The following ADAMTSL1 variants were observed in gnomAD, a reference collection of about 807,000 sequenced individuals.
ADAMTSL1 encodes ADAMTS-like protein 1.
Under a neutral mutation model 201.8 loss-of-function variants are expected in ADAMTSL1, and 126 were observed. The observed-to-expected ratio is 0.62, with a 90% CI of 0.54 to 0.72. The LOEUF (loss-of-function observed/expected upper bound fraction) is 0.72, where lower values mean the gene tolerates loss of function less well. Among genes scored for constraint, ADAMTSL1 ranks in the 30% least tolerant of loss-of-function variants. ADAMTSL1 has a pLI of 0.00. For synonymous variants in ADAMTSL1, 1,121 were observed against 903.4 expected (o/e 1.24, Z -4.32); for missense variants, 2,679 against 2,277.8 (o/e 1.18, Z -3.59).
At chr9:18,765,428 A>G (rs185464057) in intron 16 of ADAMTSL1, among the ~76,000 whole-genome samples, 1,782 of 150,086 alleles carry the variant, frequency 0.012, 37 homozygotes, top group African/African-American at 0.041. Flanking sequence ...GGAGATAATA[A>G]TTTTATGAAC....
At chr9:18,890,311 G>A (rs1829165296) in intron 25 of ADAMTSL1, among the ~76,000 whole-genome samples, 1 of 152,180 alleles carries the variant, frequency 6.6e-6, no homozygotes, top group Non-Finnish European at 1.5e-5. Context: ...GGTCCCTTGT[G>A]TGGCCCAGAG....
intron 1 of ADAMTSL1, among the ~76,000 whole-genome samples, chr9:18,149,238 A>T (rs886853521): frequency 6.6e-5 from 10 of 152,008 alleles, no homozygotes; most frequent in Non-Finnish European, 1.2e-4. Flanking sequence ...ATATAAACCT[A>T]TAGAGTTATA....
intron 2 of ADAMTSL1, among the ~76,000 whole-genome samples, chr9:18,528,211 G>A (rs745831794): frequency 9.2e-5 from 14 of 151,936 alleles, no homozygotes; most frequent in Non-Finnish European, 1.8e-4. Context: ...TTTATTTTAA[G>A]TTTGGGGTTC....
chr9:18,699,544 G>T (rs1831800810), intron 13 of ADAMTSL1, among the ~76,000 whole-genome samples: 1 of 151,894 alleles, frequency 6.6e-6, no homozygotes, highest in Admixed American at 6.6e-5. Context: ...TGCCCAGGCT[G>T]GTCTCAAACT....
At chr9:18,223,236 A>G (rs1830329128) in intron 2 of ADAMTSL1, among the ~76,000 whole-genome samples, 1 of 152,124 alleles carries the variant, frequency 6.6e-6, no homozygotes, top group Non-Finnish European at 1.5e-5. Context: ...CATGATACTC[A>G]AAAGGAAATT....
chr9:18,511,542 T>G (rs1818024911), intron 2 of ADAMTSL1, among the ~76,000 whole-genome samples: 1 of 152,082 alleles, frequency 6.6e-6, no homozygotes, highest in Non-Finnish European at 1.5e-5. Context: ...ATAGTATTAT[T>G]CCAAAGGCAT....
intron 1 of ADAMTSL1, among the ~76,000 whole-genome samples, chr9:17,966,445 C>T (rs893596624): frequency 6.6e-6 from 1 of 152,168 alleles, no homozygotes; most frequent in East Asian, 1.9e-4. Context: ...TCATGTGCCG[C>T]ATTCCGATCA....
intron 13 of ADAMTSL1, among the ~76,000 whole-genome samples, chr9:18,694,582 C>T (rs549923612): frequency 1.3e-5 from 2 of 152,248 alleles, no homozygotes; most frequent in Non-Finnish European, 2.9e-5. Flanking sequence ...CTTAAAGCTC[C>T]AAAATGATCT....
chr9:18,186,093 C>T (rs1248889839), intron 2 of ADAMTSL1, among the ~76,000 whole-genome samples: 4 of 152,222 alleles, frequency 2.6e-5, no homozygotes, highest in Admixed American at 6.5e-5. Context: ...TCAAGTACCA[C>T]GTATTTCTGT....
intron 1 of ADAMTSL1, among the ~76,000 whole-genome samples, chr9:18,501,839 G>T (rs952102152): frequency 6.6e-6 from 1 of 152,192 alleles, no homozygotes; most frequent in Non-Finnish European, 1.5e-5. Flanking sequence ...GTTTGCATGA[G>T]ATCTCATTCA....
chr9:18,103,968 G>A (rs1036056069), intron 1 of ADAMTSL1, among the ~76,000 whole-genome samples: 3 of 152,138 alleles, frequency 2.0e-5, no homozygotes, highest in Admixed American at 6.6e-5. Context: ...GATTTTCCTA[G>A]TGTCAAAACC....
chr9:18,878,250 G>A (rs1223875358), intron 23 of ADAMTSL1, among the ~76,000 whole-genome samples: 2 of 152,206 alleles, frequency 1.3e-5, no homozygotes, highest in Non-Finnish European at 2.9e-5. Flanking sequence ...CCCACCTGTC[G>A]TGGCTTCTGT....
intron 1 of ADAMTSL1, among the ~76,000 whole-genome samples, chr9:18,099,356 T>TATATATA (rs60877701): frequency 0.018 from 691 of 39,058 alleles, 1 homozygote; most frequent in Non-Finnish European, 0.025. Context: ...TATATATATA[T>TATATATA]TTTTTTTTTT....
intron 2 of ADAMTSL1, among the ~76,000 whole-genome samples, chr9:18,412,822 A>G (rs765682448): frequency 2.0e-5 from 3 of 151,992 alleles, no homozygotes; most frequent in Non-Finnish European, 4.4e-5. Flanking sequence ...AGGCTAAGCT[A>G]TTTTTTTCTT....
At chr9:18,395,019 C>T (rs561837549) in intron 2 of ADAMTSL1, among the ~76,000 whole-genome samples, 1 of 152,308 alleles carries the variant, frequency 6.6e-6, no homozygotes, top group South Asian at 2.1e-4. Context: ...AAGCAATTCT[C>T]TTTACCTTTT....
chr9:17,972,973 T>G (rs1169258675), intron 1 of ADAMTSL1, among the ~76,000 whole-genome samples: 1 of 150,142 alleles, frequency 6.7e-6, no homozygotes, highest in Non-Finnish European at 1.5e-5. Flanking sequence ...TTTTGAGAAG[T>G]GTGTATTCAT....
At chr9:18,417,066 G>A (rs1261907278) in intron 2 of ADAMTSL1, among the ~76,000 whole-genome samples, 5 of 151,946 alleles carry the variant, frequency 3.3e-5, no homozygotes, top group African/African-American at 1.2e-4. Flanking sequence ...CTCACACAAA[G>A]TATGTTTTCT....
intron 1 of ADAMTSL1, among the ~76,000 whole-genome samples, chr9:17,915,678 A>G (rs1826064378): frequency 6.6e-6 from 1 of 152,206 alleles, no homozygotes; most frequent in Non-Finnish European, 1.5e-5. Context: ...TAGCAGAATG[A>G]GAGTTCCAGT....
At chr9:18,404,358 G>A (rs759953033) in intron 2 of ADAMTSL1, among the ~76,000 whole-genome samples, 4 of 152,144 alleles carry the variant, frequency 2.6e-5, no homozygotes, top group Non-Finnish European at 5.9e-5. Flanking sequence ...TCATCATGAA[G>A]GATTTTATGA....
Sources: gnomAD v4.1 joint callset for allele counts (sites outside exome capture counted in the v4.1 genomes callset) on GRCh38, gnomAD v4.1.1 for gene constraint, MANE v1.5 for transcripts, NCBI Gene and HGNC (gene_info 2026-07-23, HGNC 2026-07-21) for gene names.